CSMD1: variants seen among roughly 807,000 people sequenced by gnomAD.
CSMD1 encodes CUB and sushi domain-containing protein 1.
CSMD1 carries 213 observed loss-of-function variants against 417.5 expected under a neutral mutation model. That is an observed-to-expected ratio of 0.51 (90% confidence interval 0.46 to 0.57). CSMD1 has a LOEUF of 0.57. CSMD1 is among the 20% of genes least tolerant of loss of function. CSMD1 has a pLI of 0.00. For synonymous variants in CSMD1, 2,862 were observed against 1,736.8 expected, an observed-to-expected ratio of 1.65 and a Z score of -16.11; for missense variants, 6,923 against 4,529.7, an observed-to-expected ratio of 1.53 and a Z score of -15.17.
At chr8:3,956,086 G>A (rs1404501847) in intron 5 of CSMD1, among the ~76,000 whole-genome samples, 4 of 152,244 alleles carry the variant, frequency 2.6e-5, no homozygotes, top group South Asian at 2.1e-4. Flanking sequence ...ATTAGCCACC[G>A]TGCTCGGCCA....
chr8:4,290,950 A>G (rs1285546188), intron 3 of CSMD1, among the ~76,000 whole-genome samples: 4 of 152,314 alleles, frequency 2.6e-5, no homozygotes, highest in Middle Eastern at 3.4e-3. Flanking sequence ...ATTTCTTTCT[A>G]AAATTTAGAG....
intron 11 of CSMD1, among the ~76,000 whole-genome samples, chr8:3,477,607 G>C (rs1014217598): frequency 3.3e-5 from 5 of 152,176 alleles, no homozygotes; most frequent in Non-Finnish European, 7.3e-5. Context: ...GACATGTGTT[G>C]ATAAATATCT....
intron 3 of CSMD1, among the ~76,000 whole-genome samples, chr8:4,229,223 G>A (rs539252422): frequency 2.0e-5 from 3 of 152,164 alleles, no homozygotes; most frequent in African/African-American, 4.8e-5. Flanking sequence ...CAGCACATTG[G>A]CCAATTTGGC....
chr8:3,547,421 T>TACC (rs1383313078), intron 10 of CSMD1, among the ~76,000 whole-genome samples: 2 of 152,022 alleles, frequency 1.3e-5, no homozygotes, highest in Non-Finnish European at 2.9e-5. Context: ...AAAACACTAC[T>TACC]TCTTGTACAT....
chr8:3,254,059 G>A, intron 26 of CSMD1, among the ~76,000 whole-genome samples: 1 of 152,138 alleles, frequency 6.6e-6, no homozygotes. Context: ...AGCTCTTGTA[G>A]GGCAGGCCTG....
At position 3,971,543 on chromosome 8, in the gene CSMD1, C is replaced by T. The variant is rs573852534; in HGVS notation, c.818+26360G>A. Among the ~76,000 whole-genome samples the T allele has an allele frequency of 2.0e-5, 3 of 152,096 alleles. No homozygotes were observed. The South Asian group carries it at 6.2e-4, about 32-fold the overall frequency. On this transcript the variant is annotated intron_variant, in intron 5 of 69. Transcript: ENST00000635120. ...GATTAAATTTTAAATATGAAGCAGT[C>T]AAAGTCAATGAAAAATTAAAAAATT...
At chr8:4,077,917 G>A (rs1473278288) in intron 3 of CSMD1, among the ~76,000 whole-genome samples, 3 of 151,984 alleles carry the variant, frequency 2.0e-5, no homozygotes, top group South Asian at 2.1e-4. Context: ...CGAAGACCTT[G>A]CCATCATCAC....
At chr8:3,984,704 CATATATATATATATATATATAT>C (rs59669026) in intron 5 of CSMD1, among the ~76,000 whole-genome samples, 19,201 of 82,816 alleles carry the variant, frequency 0.23, 1,969 homozygotes, top group South Asian at 0.32. Flanking sequence ...GTGTATATAT[CATATATATATATATATATATAT>C]ATATATATAT....
chr8:4,464,560 C>T (rs73660871), intron 2 of CSMD1, among the ~76,000 whole-genome samples: 1 of 152,018 alleles, frequency 6.6e-6, no homozygotes, highest in African/African-American at 2.4e-5. Flanking sequence ...GCAGAATGGT[C>T]GTATGGGTAC....
At chr8:4,152,355 C>G (rs1416901226) in intron 3 of CSMD1, among the ~76,000 whole-genome samples, 2 of 152,070 alleles carry the variant, frequency 1.3e-5, no homozygotes, top group African/African-American at 4.8e-5. Context: ...GACACGTAAG[C>G]AGGAATGCTT....
At chr8:4,994,210 G>C (rs1811634738) in intron 1 of CSMD1, 122 bp downstream of exon 1, 1 of 826,310 alleles carries the variant, frequency 1.2e-6, no homozygotes, top group Non-Finnish European at 1.9e-6. Flanking sequence ...TTCGGCGATG[G>C]AGCAGCGCCG....
intron 27 of CSMD1, among the ~76,000 whole-genome samples, chr8:3,224,707 C>T (rs1003898643): frequency 7.2e-5 from 11 of 152,248 alleles, no homozygotes; most frequent in East Asian, 1.9e-4. Context: ...AATGTGTTTA[C>T]ATTTATATTA....
At chr8:3,226,776 G>T (rs183223606) in intron 27 of CSMD1, among the ~76,000 whole-genome samples, 6 of 152,122 alleles carry the variant, frequency 3.9e-5, no homozygotes, top group African/African-American at 1.4e-4. Context: ...TTGAAAATAA[G>T]TGTTGTCACA....
At chr8:4,133,256 A>G (rs1803220495) in intron 3 of CSMD1, among the ~76,000 whole-genome samples, 1 of 152,182 alleles carries the variant, frequency 6.6e-6, no homozygotes, top group Non-Finnish European at 1.5e-5. Flanking sequence ...TAATAATATT[A>G]TTAAGCAAAG....
intron 1 of CSMD1, among the ~76,000 whole-genome samples, chr8:4,901,345 A>T (rs1016833205): frequency 6.6e-6 from 1 of 152,198 alleles, no homozygotes; most frequent in South Asian, 2.1e-4. Flanking sequence ...GTATAATGGT[A>T]TTAGAAGTGT....
At chr8:4,592,165 A>G (rs905874546) in intron 2 of CSMD1, among the ~76,000 whole-genome samples, 2 of 151,692 alleles carry the variant, frequency 1.3e-5, no homozygotes, top group Admixed American at 1.3e-4. Context: ...TCTGTGGCAT[A>G]AATAATACTC....
At chr8:4,453,997 AT>A (rs1430118452) in intron 2 of CSMD1, among the ~76,000 whole-genome samples, 39 of 150,308 alleles carry the variant, frequency 2.6e-4, no homozygotes, top group African/African-American at 7.3e-4. Flanking sequence ...AATTTTTTGT[AT>A]TTTTTAGTAG....
intron 30 of CSMD1, among the ~76,000 whole-genome samples, chr8:3,207,936 T>C (rs975757306): frequency 3.3e-5 from 5 of 152,180 alleles, no homozygotes; most frequent in Non-Finnish European, 7.4e-5. Flanking sequence ...AGGTTTCCAA[T>C]AGAATGCTGG....
At chr8:3,229,321 T>C (rs1198836835) in intron 27 of CSMD1, among the ~76,000 whole-genome samples, 2 of 152,214 alleles carry the variant, frequency 1.3e-5, no homozygotes, top group African/African-American at 4.8e-5. Flanking sequence ...GTAGTTTCTT[T>C]TTAAGACTTA....
Sources: gnomAD v4.1 joint callset for allele counts (sites outside exome capture counted in the v4.1 genomes callset) on GRCh38, gnomAD v4.1.1 for gene constraint, MANE v1.5 for transcripts, NCBI Gene and HGNC (gene_info 2026-07-23, HGNC 2026-07-21) for gene names.